The following MTMR10 variants were observed in gnomAD, a reference collection of about 807,000 sequenced individuals.
MTMR10 encodes myotubularin related protein 10.
In MTMR10, 56 loss-of-function variants were observed where a neutral mutation model predicts 88.1. The observed-to-expected ratio is 0.64, with a 90% CI of 0.51 to 0.79. The LOEUF is 0.79. MTMR10 is among the 30% of genes least tolerant of loss of function. The pLI is 0.00. For synonymous variants in MTMR10, 380 were observed against 340.9 expected, an observed-to-expected ratio of 1.11 and a Z score of -1.26; for missense variants, 883 against 924.7, an observed-to-expected ratio of 0.95 and a Z score of 0.58.
intron 5 of MTMR10, 81 bp from the exon 6 acceptor site, chr15:30,968,091 A>G: frequency 2.0e-6 from 2 of 989,368 alleles, no homozygotes; most frequent in Non-Finnish European, 1.5e-6. Context: ...GGGCACTGGG[A>G]GCATCATCTT....
At chr15:30,925,709 A>G in the MTMR10 span, 75,841 of 1,508,372 alleles carry the variant, frequency 0.05, 2,136 homozygotes, top group Middle Eastern at 0.1. Context: ...AGGGAGGTCA[A>G]TCCTCACGAT....
intron 15 of MTMR10, chr15:30,942,422 G>A (rs2063086318): frequency 6.1e-6 from 2 of 327,240 alleles, no homozygotes; most frequent in East Asian, 6.0e-5. Context: ...GCAGTCAGGA[G>A]GCCAAATGTC....
chr15:30,946,914 C>CG, intron 14 of MTMR10: 1 of 625,866 alleles, frequency 1.6e-6, no homozygotes, highest in Non-Finnish European at 2.7e-6. Flanking sequence ...TACTACAAAA[C>CG]ATTTACATTA....
chr15:30,975,017 T>C lies in MTMR10; in HGVS notation c.259-14A>G. The C allele has an allele frequency of 1.3e-6, 2 of 1,515,538 alleles. No homozygotes were observed. The highest frequency in any genetic ancestry group is 1.8e-6 in the Non-Finnish European group (2 of 1,114,094). 93.9% of individuals were successfully genotyped at this position (1,515,538 alleles called of 1,614,324 possible). ...GTAATGGAATTTCTGGAATAAAAAATTATGTTCATATTAATTCTTTTCCCA... is the reference window on the plus strand; with the variant it reads ...GTAATGGAATTTCTGGAATAAAAAACTATGTTCATATTAATTCTTTTCCCA... On this transcript the variant is annotated splice_polypyrimidine_tract_variant and intron_variant, in intron 3 of 15. Transcript: ENST00000435680.
chr15:30,939,883 C>T lies in MTMR10; in HGVS notation c.*1587G>A. The stretch of plus-strand genomic sequence containing the variant: ...CTGAAACTAGCCCTTATTTTCTAGG[C>T]AACAAGTTGGCAAAAACCTTGGGTT... On this transcript the variant is annotated 3_prime_UTR_variant, in exon 16 of 16. Coordinates refer to ENST00000435680, the MANE Select transcript of MTMR10 (RefSeq NM_017762.3). The T allele has an allele frequency of 4.1e-6, 4 of 985,334 alleles. No individual in the cohort carries two copies. The highest frequency in any genetic ancestry group is 1.1e-4 in the East Asian group (1 of 8,820). 61.0% of individuals were successfully genotyped at this position (985,334 alleles called of 1,614,324 possible). A position where few individuals can be genotyped will look rare whatever the true frequency, so the allele number is the denominator to read the frequency against.
intron 15 of MTMR10, chr15:30,942,350 C>T (rs376766405): frequency 6.2e-5 from 30 of 480,804 alleles, no homozygotes; most frequent in South Asian, 2.6e-4. Context: ...AGTTCTAAGA[C>T]GGGCTAGAAA....
chr15:30,965,250 A>C (rs938256701), intron 6 of MTMR10, among the ~76,000 whole-genome samples: 1 of 152,212 alleles, frequency 6.6e-6, no homozygotes, highest in Non-Finnish European at 1.5e-5. Context: ...TGTGTTTTTC[A>C]AATAGGCATT....
At chr15:30,937,253 C>A, downstream of MTMR10, 2 of 1,611,176 alleles carry the variant, frequency 1.2e-6, no homozygotes, top group South Asian at 2.2e-5. Context: ...AAAGCCTTAG[C>A]TAAAAGGTAT....
At chr15:30,955,373 C>G (rs1028052666) in intron 9 of MTMR10, among the ~76,000 whole-genome samples, 4 of 152,182 alleles carry the variant, frequency 2.6e-5, no homozygotes, top group Admixed American at 2.6e-4. Flanking sequence ...CGGGTTCAAG[C>G]GATTCTCCTG....
chr15:30,954,978 G>C (rs1188292299), intron 9 of MTMR10, 85 bp from the exon 10 acceptor site: 2 of 1,196,478 alleles, frequency 1.7e-6, no homozygotes, highest in South Asian at 1.8e-5. Flanking sequence ...AGGGGATAGA[G>C]AGAGGAATGA....
chr15:30,975,369 A>G (rs913149563), intron 3 of MTMR10, among the ~76,000 whole-genome samples: 2 of 152,230 alleles, frequency 1.3e-5, no homozygotes, highest in Non-Finnish European at 2.9e-5. Context: ...GTGCAAAATA[A>G]CTATCTTTTT....
rs1054933896 is a variant in MTMR10 at position 30,943,319 on chromosome 15, G to A, written c.1549-247C>T. 1.6e-5 allele frequency: 16 copies of A among 985,350 alleles called. No homozygotes were observed. In the African/African-American group the frequency reaches 2.4e-4, roughly 15 times the overall value. The allele number at this position is 985,350 out of a possible 1,614,324, so 61.0% of individuals were successfully genotyped here. A position where few individuals can be genotyped will look rare whatever the true frequency, so the allele number is the denominator to read the frequency against. ...TCTGCCTTAGGACCCCAAGGAAGCC[G>A]TGCCCTTTGGGCAATAAGAATGTTA... On this transcript the variant is annotated intron_variant, in intron 14 of 15. Coordinates refer to ENST00000435680, the MANE Select transcript of MTMR10 (RefSeq NM_017762.3).
chr15:30,945,072 A>G (rs1024345809), intron 14 of MTMR10, among the ~76,000 whole-genome samples: 12 of 152,034 alleles, frequency 7.9e-5, no homozygotes, highest in African/African-American at 2.9e-4. Context: ...TTATCCCAAG[A>G]GAGACCAGAT....
downstream of MTMR10, among the ~76,000 whole-genome samples, chr15:30,936,369 A>G (rs2062852573): frequency 6.6e-6 from 1 of 151,708 alleles, no homozygotes; most frequent in East Asian, 1.9e-4. Context: ...AGTGGAAGTG[A>G]GGGCCTTGGG....
At chr15:30,958,727 G>C (rs1429025730) in intron 9 of MTMR10, 136 bp downstream of exon 9, 2 of 799,174 alleles carry the variant, frequency 2.5e-6, no homozygotes, top group Non-Finnish European at 4.0e-6. Flanking sequence ...TTTTCAAAAT[G>C]GCAATTCTTA....
At chr15:30,919,692 GAAAA>G in the MTMR10 span, among the ~76,000 whole-genome samples, 1 of 129,372 alleles carries the variant, frequency 7.7e-6, no homozygotes. Flanking sequence ...CTGTCTCGGG[GAAAA>G]AAAAAAAAAA....
chr15:30,954,410 G>A (rs1345526853), intron 10 of MTMR10, among the ~76,000 whole-genome samples: 2 of 152,190 alleles, frequency 1.3e-5, no homozygotes, highest in East Asian at 3.8e-4. Context: ...CCCATGTCAA[G>A]TCACCTATCT....
Position 30,991,625 on chromosome 15 carries a change from G to C in MTMR10, c.-119C>G. On this transcript the variant is annotated 5_prime_UTR_variant, in exon 1 of 16. Coordinates refer to ENST00000435680, the MANE Select transcript of MTMR10 (RefSeq NM_017762.3). ...TTTCTGCGGCCAGCCGAGCCGGGCG[G>C]ACTGACGGGCGGGGATACGGCGCAG... The C allele has an allele frequency of 7.9e-7, 1 of 1,273,446 alleles. No individual in the cohort carries two copies. The allele number at this position is 1,273,446 out of a possible 1,614,324, so 78.9% of individuals were successfully genotyped here. A position where few individuals can be genotyped will look rare whatever the true frequency, so the allele number is the denominator to read the frequency against.
At chr15:30,948,610 T>A in intron 12 of MTMR10, 139 bp from the exon 13 acceptor site, 1 of 760,384 alleles carries the variant, frequency 1.3e-6, no homozygotes, top group South Asian at 1.8e-5. Context: ...TTTTACTGGA[T>A]TCCAGCAACT....
Sources: allele counts gnomAD v4.1 joint callset (sites outside exome capture counted in the v4.1 genomes callset), GRCh38; gene constraint gnomAD v4.1.1; transcripts MANE v1.5; gene names NCBI Gene and HGNC (gene_info 2026-07-23, HGNC 2026-07-21).